ZMAT1: variants seen among roughly 807,000 people sequenced by gnomAD.
ZMAT1 encodes zinc finger matrin-type 1, also known as zinc finger matrin-type protein 1.
ZMAT1 carries 11 observed loss-of-function variants against 18.5 expected under a neutral mutation model. The ratio of observed to expected loss-of-function variants is 0.59; its 90% confidence interval spans 0.37 to 0.98. The LOEUF is 0.98. Among genes scored for constraint, ZMAT1 ranks in the 50% least tolerant of loss-of-function variants. The probability of loss-of-function intolerance (pLI) is 0.01; values close to 1 mark genes in which losing one functional copy is unlikely to be tolerated. For missense variants in ZMAT1, 525 were observed against 496.2 expected (o/e 1.06, Z -0.55); for synonymous variants, 211 against 176.4 (o/e 1.20, Z -1.55).
chrX:101,922,689 A>G (rs1025522900), intron 1 of ZMAT1, among the ~76,000 whole-genome samples: 11 of 111,555 alleles, frequency 9.9e-5, no homozygotes, highest in Non-Finnish European at 2.1e-4. Context: ...AATCTTAAAA[A>G]GAGACTTGAT....
At position 101,884,167 on chromosome X, in the gene ZMAT1, G is replaced by A; in HGVS notation, c.1431C>T (p.Ser477=). Residue 477 remains serine, a synonymous_variant, in exon 6 of 6, where the codon AGC becomes AGT. Coordinates refer to ENST00000651725, the MANE Select transcript of ZMAT1 (RefSeq NM_001394560.1). The part of the protein sequence containing the change: ...PKTCFRKIGD[S]SVETHRNREM... ...CTCTGTTCCTGTGTGTTTCTACAGA[G>A]CTATCTCCTATCTTTCTGAAACAAG... 1 of 1,210,819 alleles carries A rather than the reference G, an allele frequency of 8.3e-7. No homozygotes were observed.
intron 1 of ZMAT1, among the ~76,000 whole-genome samples, chrX:101,929,493 AC>A (rs1294242933): frequency 0.02 from 1,199 of 59,445 alleles, 38 homozygotes; most frequent in African/African-American, 0.056. Context: ...AGAGAGAGAG[AC>A]ACACAAATAT....
In ZMAT1 at chrX:101,911,561, G is replaced by A; in HGVS notation, c.293-7231C>T. 4.4e-6 allele frequency: 5 copies of A among 1,139,592 alleles called. No individual in the cohort carries two copies. In the South Asian group the frequency reaches 9.5e-5, roughly 22 times the overall value. The allele number at this position is 1,139,592 out of a possible 1,213,427, so 93.9% of individuals were successfully genotyped here. ...ACCCAACAACAGCGAATCCACACAGGGGAGAAGCCCTATGAATGCAATGAC... is the reference window on the plus strand; with the variant it reads ...ACCCAACAACAGCGAATCCACACAGAGGAGAAGCCCTATGAATGCAATGAC... On this transcript the variant is annotated intron_variant, in intron 1 of 5. Transcript: ENST00000651725.
chrX:101,911,936 T>C (rs2147647668), intron 1 of ZMAT1: 1 of 1,204,013 alleles, frequency 8.3e-7, no homozygotes, highest in African/African-American at 1.8e-5. Flanking sequence ...TTGCGGAAAG[T>C]CCTTTAGGCA....
intron 1 of ZMAT1, among the ~76,000 whole-genome samples, chrX:101,925,116 A>T (rs1929977037): frequency 8.9e-6 from 1 of 112,552 alleles, no homozygotes; most frequent in African/African-American, 3.2e-5. Context: ...CCTGCTGCTC[A>T]GAGGAAACTG....
chrX:101,914,773 C>T (rs1226656472), intron 1 of ZMAT1, among the ~76,000 whole-genome samples: 1 of 111,166 alleles, frequency 9.0e-6, no homozygotes, highest in African/African-American at 3.3e-5. Context: ...TAAAGAACTA[C>T]GACCAATCCT....
At chrX:101,924,303 G>T (rs1412204379) in intron 1 of ZMAT1, among the ~76,000 whole-genome samples, 2 of 110,868 alleles carry the variant, frequency 1.8e-5, no homozygotes, top group African/African-American at 6.6e-5. Flanking sequence ...GTAGAGATGG[G>T]GTTTCACCAT....
intron 4 of ZMAT1, among the ~76,000 whole-genome samples, chrX:101,895,143 C>T (rs1299125545): frequency 5.4e-4 from 60 of 111,524 alleles, no homozygotes; most frequent in Admixed American, 5.3e-3. Flanking sequence ...ATGCGCCTGT[C>T]GGCTCTTGCA....
At chrX:101,924,689 C>G (rs1213195145) in intron 1 of ZMAT1, among the ~76,000 whole-genome samples, 1 of 111,769 alleles carries the variant, frequency 8.9e-6, no homozygotes, top group Non-Finnish European at 1.9e-5. Flanking sequence ...ACTAGATGGT[C>G]CCATTTATAC....
intron 1 of ZMAT1, among the ~76,000 whole-genome samples, chrX:101,929,319 T>C (rs34491877): frequency 0.12 from 13,045 of 106,350 alleles, 870 homozygotes; most frequent in Non-Finnish European, 0.18. Context: ...GCAAAAGATA[T>C]TGGCACACCA....
chrX:101,886,590 T>C (rs778628795), intron 5 of ZMAT1, 42 bp downstream of exon 5: 2 of 942,342 alleles, frequency 2.1e-6, no homozygotes, highest in Admixed American at 2.5e-5. Context: ...CTAGAAGCTC[T>C]GGTCTTTGGT....
intron 1 of ZMAT1, among the ~76,000 whole-genome samples, chrX:101,915,422 G>A (rs1020596319): frequency 3.6e-5 from 4 of 111,151 alleles, no homozygotes; most frequent in Admixed American, 1.9e-4. Context: ...TGCAGATGAT[G>A]ATATGACCTT....
At chrX:101,895,891 G>A in intron 4 of ZMAT1, 2 of 730,203 alleles carry the variant, frequency 2.7e-6, no homozygotes, top group Non-Finnish European at 3.2e-6. Flanking sequence ...TGCTGAAATA[G>A]TTGTAATAAG....
intron 2 of ZMAT1, among the ~76,000 whole-genome samples, chrX:101,899,538 T>C (rs1041060520): frequency 1.3e-4 from 14 of 111,778 alleles, no homozygotes; most frequent in African/African-American, 4.6e-4. Flanking sequence ...CTCCCACATA[T>C]CAGAGAGAAC....
chrX:101,899,241 T>A (rs1928050488), intron 2 of ZMAT1, among the ~76,000 whole-genome samples: 2 of 111,675 alleles, frequency 1.8e-5, no homozygotes, highest in African/African-American at 6.5e-5. Flanking sequence ...GAAACTAACA[T>A]TTCCTGAGCA....
intron 1 of ZMAT1, among the ~76,000 whole-genome samples, chrX:101,916,209 T>C (rs1006503613): frequency 1.0e-5 from 1 of 98,568 alleles, no homozygotes; most frequent in Non-Finnish European, 2.0e-5. Flanking sequence ...ACGGACACAG[T>C]GAGGGGAATA....
chrX:101,909,437 C>T (rs187342715), intron 1 of ZMAT1, among the ~76,000 whole-genome samples: 177 of 111,862 alleles, frequency 1.6e-3, no homozygotes, highest in Non-Finnish European at 2.6e-3. Flanking sequence ...ACCAACACCA[C>T]CACAGTGGGG....
At chrX:101,930,733 A>G (rs1022704562) in intron 1 of ZMAT1, among the ~76,000 whole-genome samples, 1 of 112,256 alleles carries the variant, frequency 8.9e-6, no homozygotes, top group African/African-American at 3.2e-5. Flanking sequence ...AAAATGCTTT[A>G]CTGGGATGCT....
Position 101,904,312 on chromosome X carries a change from T to C in ZMAT1, c.311A>G (p.Gln104Arg), listed in dbSNP as rs765471099. 3.5e-5 allele frequency: 42 copies of C among 1,200,797 alleles called. No individual in the cohort carries two copies. In the Middle Eastern group the frequency reaches 9.2e-4, roughly 26 times the overall value. Residue 104 changes from glutamine (Q) to arginine (R), a missense_variant, in exon 2 of 6, where the codon CAG (glutamine) becomes CGG (arginine). By Grantham distance (43) the Gln-to-Arg change is conservative. Coordinates refer to ENST00000651725, the MANE Select transcript of ZMAT1 (RefSeq NM_001394560.1). ...CLREDAIWNE[Q>R]EKAELFTDKF... ...ATCTGTAAAAAGTTCAGCCTTTTCC[T>C]GTTCATTCCAAATGGCGTCTGTGAA...
Sources: gnomAD v4.1 joint callset for allele counts (sites outside exome capture counted in the v4.1 genomes callset) on GRCh38, gnomAD v4.1.1 for gene constraint, MANE v1.5 for transcripts, NCBI Gene and HGNC (gene_info 2026-07-23, HGNC 2026-07-21) for gene names.